The following NUCKS1 variants were observed in gnomAD, a reference collection of about 807,000 sequenced individuals.
NUCKS1 encodes the protein nuclear ubiquitous casein and cyclin-dependent kinase substrate 1.
Under a neutral mutation model 33.0 loss-of-function variants are expected in NUCKS1, and 2 were observed. That is an observed-to-expected ratio of 0.06 (90% CI 0.02 to 0.19). The LOEUF is 0.19. NUCKS1 is among the 10% of genes least tolerant of loss of function. The pLI is 1.00. For synonymous variants in NUCKS1, 106 were observed against 102.8 expected (o/e 1.03, Z -0.19); for missense variants, 201 against 293.6 (o/e 0.68, Z 2.31).
In NUCKS1 at chr1:205,713,730, C is replaced by T. The variant is rs958923348; in HGVS notation, c.*4550G>A. On this transcript the variant is annotated 3_prime_UTR_variant, in exon 7 of 7. Transcript: ENST00000367142. ...GTTAAGGTATTGCAAGAATGCCCAACCCTCTGGTGTCTGATCATGTATCTA... is the reference window on the plus strand; with the variant it reads ...GTTAAGGTATTGCAAGAATGCCCAATCCTCTGGTGTCTGATCATGTATCTA... 6.6e-6 allele frequency: 1 copy of T among 152,198 alleles called. No individual in the cohort carries two copies. The highest frequency in any genetic ancestry group is 1.5e-5 in the Non-Finnish European group (1 of 68,046). 9.4% of individuals were successfully genotyped at this position (152,198 alleles called of 1,614,324 possible).
chr1:205,718,160 TGA>T lies in NUCKS1; in HGVS notation c.*118_*119del. ...AATGGAAAAAAGCACTGAAAGCCCA[TGA>T]GTCAAGCCATAGCCAAAACCATGTT... On this transcript the variant is annotated 3_prime_UTR_variant, in exon 7 of 7. Transcript: ENST00000367142. The T allele has an allele frequency of 7.4e-7, 1 of 1,352,728 alleles. No homozygotes were observed. The highest frequency in any genetic ancestry group is 9.5e-7 in the Non-Finnish European group (1 of 1,057,310). The allele number at this position is 1,352,728 out of a possible 1,614,324, so 83.8% of individuals were successfully genotyped here. A position where few individuals can be genotyped will look rare whatever the true frequency, so the allele number is the denominator to read the frequency against.
At chr1:205,722,057 TAG>T (rs995491844) in intron 4 of NUCKS1, among the ~76,000 whole-genome samples, 9 of 151,976 alleles carry the variant, frequency 5.9e-5, no homozygotes, top group African/African-American at 2.2e-4. Flanking sequence ...CACATATTCT[TAG>T]AGTCTATTAA....
intron 1 of NUCKS1, among the ~76,000 whole-genome samples, chr1:205,731,019 G>A (rs1653897807): frequency 6.6e-6 from 1 of 152,100 alleles, no homozygotes; most frequent in African/African-American, 2.4e-5. Context: ...TTTAGGTATA[G>A]TACAGTTACA....
intron 1 of NUCKS1, among the ~76,000 whole-genome samples, chr1:205,732,868 CTA>C (rs1468002068): frequency 2.0e-5 from 3 of 149,062 alleles, no homozygotes; most frequent in East Asian, 3.9e-4. Context: ...AAAAATATGA[CTA>C]TGAAAAAATC....
chr1:205,740,505 CTTGGGAGACTGAG>C (rs1654141983), intron 1 of NUCKS1, among the ~76,000 whole-genome samples: 2 of 151,870 alleles, frequency 1.3e-5, no homozygotes, highest in Admixed American at 1.3e-4. Flanking sequence ...GTCTCAGATA[CTTGGGAGACTGAG>C]GTGGGAGGAT....
intron 2 of NUCKS1, among the ~76,000 whole-genome samples, chr1:205,729,134 A>G (rs1048889555): frequency 6.6e-6 from 1 of 152,116 alleles, no homozygotes; most frequent in African/African-American, 2.4e-5. Context: ...ACTCCCGGCT[A>G]ATTTTTGTAT....
intron 3 of NUCKS1, among the ~76,000 whole-genome samples, chr1:205,725,829 C>G (rs1280309445): frequency 6.6e-6 from 1 of 152,160 alleles, no homozygotes; most frequent in East Asian, 1.9e-4. Flanking sequence ...GACATTATAA[C>G]ATGCCACAAA....
chr1:205,749,934 C>G (rs1186715380), intron 1 of NUCKS1, 23 bp downstream of exon 1: 1 of 1,608,730 alleles, frequency 6.2e-7, no homozygotes, highest in Admixed American at 1.7e-5. Context: ...CAACCCGCTC[C>G]AGGCCTCAGA....
chr1:205,732,155 C>A (rs1392594048), intron 1 of NUCKS1, among the ~76,000 whole-genome samples: 1 of 152,070 alleles, frequency 6.6e-6, no homozygotes, highest in East Asian at 1.9e-4. Flanking sequence ...AAAAACAAGG[C>A]TCTTAAGGAG....
intron 6 of NUCKS1, 142 bp from the exon 7 acceptor site, chr1:205,718,621 A>ATATATGTGCTCCCTTGT: frequency 8.9e-7 from 1 of 1,117,926 alleles, no homozygotes; most frequent in Non-Finnish European, 1.3e-6. Flanking sequence ...GGCACAAGGG[A>ATATATGTGCTCCCTTGT]GCACATATAT....
intron 4 of NUCKS1, 94 bp from the exon 5 acceptor site, chr1:205,720,747 G>T: frequency 7.9e-7 from 1 of 1,268,882 alleles, no homozygotes; most frequent in Non-Finnish European, 1.1e-6. Flanking sequence ...AAACATAACT[G>T]ACTGAAAAGG....
At chr1:205,743,430 A>T (rs1654231830) in intron 1 of NUCKS1, among the ~76,000 whole-genome samples, 1 of 152,342 alleles carries the variant, frequency 6.6e-6, no homozygotes, top group Middle Eastern at 3.4e-3. Context: ...CTCCCCAATA[A>T]TTAATCACTA....
intron 1 of NUCKS1, among the ~76,000 whole-genome samples, chr1:205,747,000 C>A (rs1207934604): frequency 6.6e-6 from 1 of 152,214 alleles, no homozygotes; most frequent in Non-Finnish European, 1.5e-5. Context: ...GTCAGTAAAT[C>A]TGAGCTTTCT....
chr1:205,749,654 C>A (rs926799604), intron 1 of NUCKS1, among the ~76,000 whole-genome samples: 2 of 152,076 alleles, frequency 1.3e-5, no homozygotes, highest in African/African-American at 2.4e-5. Context: ...CACCCCTCCC[C>A]CTCCGGCCGC....
In NUCKS1 at chr1:205,718,474, G is replaced by T; in HGVS notation, c.538C>A (p.Pro180Thr). 6.2e-7 allele frequency: 1 copy of T among 1,608,758 alleles called. No homozygotes were observed. Among genetic ancestry groups the T allele is most frequent in the Non-Finnish European group, 8.5e-7 (1 of 1,178,818 alleles). ...TTCCCTTTGCCTTTCACTGGACTTG[G>T]CGTCACTGAAAATAGAAAAATAATT... ...PKPRLKATVT[P>T]SPVKGKGKVG... Residue 180 changes from proline (P) to threonine (T), a missense_variant, in exon 7 of 7, where the codon CCA becomes ACA. By Grantham distance (38) the Pro-to-Thr change is conservative (BLOSUM62 -1). Coordinates refer to ENST00000367142, the MANE Select transcript of NUCKS1 (RefSeq NM_022731.5).
intron 1 of NUCKS1, among the ~76,000 whole-genome samples, chr1:205,736,368 G>A (rs1328154215): frequency 6.6e-6 from 1 of 152,098 alleles, no homozygotes. Context: ...TCTGATGGTC[G>A]TGGGGGTGGG....
Position 205,722,669 on chromosome 1 carries a change from G to A in NUCKS1, c.229+1257C>T, listed in dbSNP as rs574891347. On this transcript the variant is annotated intron_variant, in intron 4 of 6. Coordinates refer to ENST00000367142, the MANE Select transcript of NUCKS1 (RefSeq NM_022731.5). Reference sequence around the variant, plus strand: ...TGGCCTCCCAAAGTGCTGGGATGGCGGGTGGGAGCCACCATGCTCAGCCTA... The same window carrying A: ...TGGCCTCCCAAAGTGCTGGGATGGCAGGTGGGAGCCACCATGCTCAGCCTA... 7.2e-5 allele frequency among the ~76,000 whole-genome samples: 11 copies of A among 152,300 alleles called. 1 individual carries two copies. In the South Asian group the frequency reaches 1.0e-3, roughly 14 times the overall value.
Position 205,723,948 on chromosome 1 carries a change from C to T in NUCKS1, c.207G>A (p.Lys69=). ...EDSEDKDVKT[K]KDDSHSAEDS... is the part of the protein sequence containing the mutation. ...TACCTGCTGAGTGAGAATCATCCTT[C>T]TTGGTCTTCACATCTTTGTCTTCTG... The change falls in exon 4 of 7, where the codon AAG becomes AAA. Residue 69 remains lysine (K), a synonymous_variant. Transcript: ENST00000367142. The T allele has an allele frequency of 6.2e-7, 1 of 1,612,116 alleles. No individual in the cohort carries two copies. The highest frequency in any genetic ancestry group is 1.7e-5 in the Admixed American group (1 of 60,014).
chr1:205,743,416 A>C (rs76173214), intron 1 of NUCKS1, among the ~76,000 whole-genome samples: 1,819 of 152,338 alleles, frequency 0.012, 23 homozygotes, highest in Non-Finnish European at 0.017. Flanking sequence ...TGCCAGGATT[A>C]TCTCTCCCCA....
Sources: allele counts gnomAD v4.1 joint callset (sites outside exome capture counted in the v4.1 genomes callset), GRCh38; gene constraint gnomAD v4.1.1; transcripts MANE v1.5; gene names NCBI Gene and HGNC (gene_info 2026-07-23, HGNC 2026-07-21).